BMS1: variants seen among roughly 807,000 people sequenced by gnomAD.
BMS1 encodes ribosome biogenesis protein BMS1 homolog.
In BMS1, 53 loss-of-function variants were observed where a neutral mutation model predicts 138.7. The observed-to-expected ratio is 0.38, with a 90% CI of 0.31 to 0.48. BMS1 has a LOEUF of 0.48. BMS1 is among the 20% of genes least tolerant of loss of function. BMS1 has a pLI of 0.97. For missense variants in BMS1, 1,360 were observed against 1,565.5 expected (o/e 0.87, Z 2.22); for synonymous variants, 504 against 539.9 (o/e 0.93, Z 0.92).
At position 42,833,741 on chromosome 10, in the gene BMS1, A is replaced by C. The variant is rs1231044216; in HGVS notation, c.*2645A>C. On this transcript the variant is annotated 3_prime_UTR_variant, in exon 23 of 23. Coordinates refer to ENST00000374518, the MANE Select transcript of BMS1 (RefSeq NM_014753.4). ...GCATCCATCTCATAGGAAGACATATATCAAAATAAGGACCAGACTGGAGAG... is the reference window on the plus strand; with the variant it reads ...GCATCCATCTCATAGGAAGACATATCTCAAAATAAGGACCAGACTGGAGAG... 6.6e-6 allele frequency: 1 copy of C among 152,254 alleles called. No individual in the cohort carries two copies. The highest frequency in any genetic ancestry group is 6.5e-5 in the Admixed American group (1 of 15,286). The allele number at this position is 152,254 out of a possible 1,614,324, so 9.4% of individuals were successfully genotyped here.
Position 42,792,494 on chromosome 10 carries a change from A to G in BMS1, c.781A>G (p.Met261Val), listed in dbSNP as rs188413818. Residue 261 changes from methionine to valine, a missense_variant and splice_region_variant, in exon 7 of 23, where the codon ATG (methionine) becomes GTG (valine). Physicochemically the swap from Met to Val is conservative, Grantham distance 21. This residue lies in a region of BMS1 where 697 missense variants were observed against 686.2 expected (regional missense o/e 1.02). Transcript: ENST00000374518. Reference sequence around the variant, plus strand: ...CTGTGATTGAATTTATTTTTCTAGGATGGAAGATTTGACAAACCCAGAGGA... The same window carrying G: ...CTGTGATTGAATTTATTTTTCTAGGGTGGAAGATTTGACAAACCCAGAGGA... Reference protein sequence around the residue: ...TSHPYILADRMEDLTNPEDIR... With the variant: ...TSHPYILADRVEDLTNPEDIR... 1.4e-5 allele frequency: 23 copies of G among 1,611,160 alleles called. No homozygotes were observed. The East Asian group carries it at 4.0e-4, about 28-fold the overall frequency.
At chr10:42,792,015 A>T (rs1340717988) in intron 6 of BMS1, among the ~76,000 whole-genome samples, 2 of 152,170 alleles carry the variant, frequency 1.3e-5, no homozygotes, top group Non-Finnish European at 1.5e-5. Context: ...ATGTGGCCCC[A>T]TCCTACGTTC....
chr10:42,786,893 C>T (rs947753597), intron 3 of BMS1, among the ~76,000 whole-genome samples: 2 of 152,182 alleles, frequency 1.3e-5, no homozygotes, highest in Admixed American at 6.5e-5. Context: ...TCATGGTTAT[C>T]ATGGAGTCTG....
intron 9 of BMS1, among the ~76,000 whole-genome samples, chr10:42,795,191 C>T (rs1841640916): frequency 6.6e-6 from 1 of 152,108 alleles, no homozygotes; most frequent in South Asian, 2.1e-4. Flanking sequence ...GGTTCCAAGT[C>T]TTTGCTATTG....
Position 42,796,939 on chromosome 10 carries a change from G to A in BMS1, c.1695G>A (p.Lys565=), listed in dbSNP as rs1414295998. ...AGAGTGACCGTGTGAATCTGGAGAA[G>A]TCTTTGCTGATGAAGAAAGCAGCTC... is the stretch of plus-strand genomic sequence containing the variant. The part of the protein sequence containing the change: ...NCQSDRVNLE[K]SLLMKKAALP... Residue 565 remains lysine, a synonymous_variant, in exon 10 of 23, where the codon AAG becomes AAA. Transcript: ENST00000374518. The A allele has an allele frequency of 6.8e-6, 11 of 1,614,120 alleles. No homozygotes were observed. Among genetic ancestry groups the A allele is most frequent in the Non-Finnish European group, 9.3e-6 (11 of 1,180,040 alleles).
In BMS1 at chr10:42,823,191, G is replaced by A. The variant is rs968787870; in HGVS notation, c.3206G>A (p.Gly1069Glu). The A allele has an allele frequency of 6.2e-7, 1 of 1,608,230 alleles. No individual in the cohort carries two copies. The highest frequency in any genetic ancestry group is 8.5e-7 in the Non-Finnish European group (1 of 1,178,764). The change falls in exon 20 of 23, where the codon GGG (glycine) becomes GAG (glutamate). Residue 1069 changes from glycine (G) to glutamate (E), a missense_variant. Coordinates refer to ENST00000374518, the MANE Select transcript of BMS1 (RefSeq NM_014753.4). The part of the protein sequence containing the change: ...AVIRTVSGIR[G>E]QIKKALRAPE... ...ATTCGAACAGTCAGTGGGATAAGGG[G>A]GCAGATCAAGAAAGCACTCCGAGCT... is the stretch of plus-strand genomic sequence containing the variant.
At chr10:42,812,410 G>C (rs1378906598) in intron 13 of BMS1, among the ~76,000 whole-genome samples, 2 of 152,124 alleles carry the variant, frequency 1.3e-5, no homozygotes, top group African/African-American at 4.8e-5. Flanking sequence ...AGAGTGCTGG[G>C]ATTACAGGCA....
chr10:42,803,504 A>G (rs1476185828), intron 13 of BMS1, among the ~76,000 whole-genome samples: 1 of 151,772 alleles, frequency 6.6e-6, no homozygotes, highest in Admixed American at 6.6e-5. Flanking sequence ...AGTTAATATC[A>G]CTGATCTCTG....
intron 12 of BMS1, among the ~76,000 whole-genome samples, chr10:42,799,069 A>T (rs575908462): frequency 6.6e-6 from 1 of 152,128 alleles, no homozygotes; most frequent in South Asian, 2.1e-4. Flanking sequence ...TCAGTACTCA[A>T]ACTCACCACA....
chr10:42,795,736 CT>C (rs1841663749), intron 9 of BMS1, among the ~76,000 whole-genome samples: 1 of 152,090 alleles, frequency 6.6e-6, no homozygotes, highest in Non-Finnish European at 1.5e-5. Context: ...ATACAGTTTT[CT>C]TTTATCCTGT....
chr10:42,805,771 A>G (rs988707327), intron 13 of BMS1, among the ~76,000 whole-genome samples: 7 of 151,336 alleles, frequency 4.6e-5, no homozygotes, highest in Admixed American at 6.6e-5. Context: ...TTTTTAATTG[A>G]TCTTATATCC....
intron 15 of BMS1, among the ~76,000 whole-genome samples, chr10:42,819,236 G>A (rs925330756): frequency 1.3e-5 from 2 of 152,194 alleles, no homozygotes; most frequent in African/African-American, 4.8e-5. Context: ...AGCAAGTGAT[G>A]TGTGGCCCTG....
At chr10:42,787,139 A>C in intron 3 of BMS1, 29 bp from the exon 4 acceptor site, 1 of 780,196 alleles carries the variant, frequency 1.3e-6, no homozygotes, top group Non-Finnish European at 2.2e-6. Flanking sequence ...GGTCTTTTTA[A>C]AGTAAAATTT....
At chr10:42,816,377 C>G (rs915210697) in intron 13 of BMS1, among the ~76,000 whole-genome samples, 1 of 152,044 alleles carries the variant, frequency 6.6e-6, no homozygotes. Context: ...ATGTGAAGTG[C>G]GGAAATGTGG....
chr10:42,808,488 A>G (rs1782230768), intron 13 of BMS1, among the ~76,000 whole-genome samples: 1 of 151,664 alleles, frequency 6.6e-6, no homozygotes, highest in South Asian at 2.1e-4. Flanking sequence ...TTTAGTAGAG[A>G]CGGGGTTTCA....
rs1402527906 is a variant in BMS1 at position 42,824,318 on chromosome 10, AT to A, written c.3456+539del. Among the ~76,000 whole-genome samples, 11 of 152,160 alleles carry A rather than the reference AT, an allele frequency of 7.2e-5. No individual in the cohort carries two copies. In the East Asian group the frequency reaches 1.7e-3, roughly 24 times the overall value. On this transcript the variant is annotated intron_variant, in intron 21 of 22. Coordinates refer to ENST00000374518, the MANE Select transcript of BMS1 (RefSeq NM_014753.4). ...CTATTGGTCATTTCCTATTTGGCCCATTTTTCAACTGGGTTGTTTTTCTGCT... is the reference window on the plus strand; with the variant it reads ...CTATTGGTCATTTCCTATTTGGCCCATTTTCAACTGGGTTGTTTTTCTGCT...
chr10:42,822,831 G>T (rs371037278), intron 19 of BMS1, among the ~76,000 whole-genome samples: 1 of 152,242 alleles, frequency 6.6e-6, no homozygotes, highest in African/African-American at 2.4e-5. Flanking sequence ...AGGAAAGGCT[G>T]CCTAGGCCAG....
chr10:42,798,578 T>G lies in BMS1; in HGVS notation c.2200T>G (p.Cys734Gly). 6.2e-7 allele frequency: 1 copy of G among 1,614,284 alleles called. No homozygotes were observed. The highest frequency in any genetic ancestry group is 8.5e-7 in the Non-Finnish European group (1 of 1,180,048). Reference protein sequence around the residue: ...ECKHKADSLDCSRFLVEAPHD... With the variant: ...ECKHKADSLDGSRFLVEAPHD... ...TAAGCACAAGGCTGACTCTTTGGACTGCTCCAGATTTCTTGTGGAGGCCCC... is the reference window on the plus strand; with the variant it reads ...TAAGCACAAGGCTGACTCTTTGGACGGCTCCAGATTTCTTGTGGAGGCCCC... The change falls in exon 12 of 23, where the codon TGC becomes GGC. Residue 734 changes from cysteine to glycine, a missense_variant. Transcript: ENST00000374518.
Position 42,793,134 on chromosome 10 carries a change from A to T in BMS1, c.1079A>T (p.His360Leu), listed in dbSNP as rs1461605592. 2 of 1,606,420 alleles carry T rather than the reference A, an allele frequency of 1.2e-6. No homozygotes were observed. The highest frequency in any genetic ancestry group is 1.1e-5 in the South Asian group (1 of 89,436). The change falls in exon 8 of 23, where the codon CAC (histidine) becomes CTC (leucine). Residue 360 changes from histidine (H) to leucine (L), a missense_variant. By Grantham distance (99) the His-to-Leu change is moderately conservative (BLOSUM62 -3). Transcript: ENST00000374518. ...GTCTATGTTGACCTTGGTGGCAGCC[A>T]CGTTTTTCAGGTATCGGTGAGACGG... ...DAVYVDLGGS[H>L]VFQDEVGPTH...
Sources: allele counts gnomAD v4.1 joint callset (sites outside exome capture counted in the v4.1 genomes callset), GRCh38; gene constraint gnomAD v4.1.1; regional missense constraint gnomAD v4.1.1; transcripts MANE v1.5; gene names NCBI Gene and HGNC (gene_info 2026-07-23, HGNC 2026-07-21).